RNGTT: variants seen among roughly 807,000 people sequenced by gnomAD.
RNGTT encodes the protein mRNA-capping enzyme.
RNGTT carries 33 observed loss-of-function variants against 79.3 expected under a neutral mutation model. The ratio of observed to expected loss-of-function variants is 0.42; its 90% CI spans 0.32 to 0.56. The LOEUF (loss-of-function observed/expected upper bound fraction) is 0.56. Ranked by LOEUF, RNGTT falls within the 20% of genes least tolerant of loss-of-function variation. The probability of loss-of-function intolerance (pLI) is 0.17; values close to 1 mark genes in which losing one functional copy is unlikely to be tolerated. For missense variants in RNGTT, 497 were observed against 739.1 expected (o/e 0.67, Z 3.80); for synonymous variants, 222 against 235.9 (o/e 0.94, Z 0.54).
intron 6 of RNGTT, 120 bp downstream of exon 6, chr6:88,904,595 A>T: frequency 8.3e-7 from 1 of 1,209,558 alleles, no homozygotes; most frequent in Non-Finnish European, 1.1e-6. Context: ...AGAAAGGGCT[A>T]GGATGAATCA....
At chr6:88,696,162 C>CA (rs1317119007) in intron 13 of RNGTT, among the ~76,000 whole-genome samples, 1 of 152,064 alleles carries the variant, frequency 6.6e-6, no homozygotes, top group Non-Finnish European at 1.5e-5. Flanking sequence ...GTGCTCACCA[C>CA]AAAAAAGTGT....
chr6:88,656,354 C>T (rs1426831177), intron 14 of RNGTT, among the ~76,000 whole-genome samples: 1 of 152,084 alleles, frequency 6.6e-6, no homozygotes, highest in Non-Finnish European at 1.5e-5. Context: ...TTTCTTACTC[C>T]ATGTTACCAC....
intron 1 of RNGTT, among the ~76,000 whole-genome samples, chr6:88,944,620 C>T (rs2180108): frequency 0.097 from 14,680 of 151,808 alleles, 926 homozygotes; most frequent in Middle Eastern, 0.2. Context: ...TTTAAATAAG[C>T]CCTAAACTCT....
intron 13 of RNGTT, among the ~76,000 whole-genome samples, chr6:88,735,326 C>A (rs1471505336): frequency 6.6e-6 from 1 of 152,070 alleles, no homozygotes; most frequent in Non-Finnish European, 1.5e-5. Context: ...CACTAATCGA[C>A]TGAATTCAGC....
intron 2 of RNGTT, among the ~76,000 whole-genome samples, chr6:88,936,667 T>G (rs1784675700): frequency 1.3e-5 from 2 of 152,228 alleles, no homozygotes. Context: ...ATTGATGTAA[T>G]GTATCATATT....
intron 12 of RNGTT, among the ~76,000 whole-genome samples, chr6:88,775,179 T>TTTACAC (rs1778834932): frequency 6.6e-6 from 1 of 152,200 alleles, no homozygotes; most frequent in Non-Finnish European, 1.5e-5. Context: ...AAATGATTAC[T>TTTACAC]ATGGTAAAGC....
chr6:88,772,178 CAA>C (rs35990941), intron 12 of RNGTT, among the ~76,000 whole-genome samples: 2 of 123,210 alleles, frequency 1.6e-5, no homozygotes, highest in Non-Finnish European at 1.7e-5. Flanking sequence ...AACTCTGTCT[CAA>C]AAAAAAAAAA....
intron 5 of RNGTT, among the ~76,000 whole-genome samples, chr6:88,905,200 T>TA (rs1401205109): frequency 1.3e-5 from 2 of 152,158 alleles, no homozygotes; most frequent in African/African-American, 4.8e-5. Flanking sequence ...GAGTATATAG[T>TA]AGAGACCTAG....
chr6:88,944,080 CCCT>C (rs1286442726), intron 1 of RNGTT, among the ~76,000 whole-genome samples: 3 of 152,084 alleles, frequency 2.0e-5, no homozygotes, highest in Non-Finnish European at 4.4e-5. Flanking sequence ...CTAAAACATC[CCCT>C]TTTCAACTGA....
chr6:88,913,214 C>CAAAAAAAAAAAA (rs58717773), intron 4 of RNGTT, among the ~76,000 whole-genome samples: 6 of 65,328 alleles, frequency 9.2e-5, no homozygotes, highest in Non-Finnish European at 1.4e-4. Context: ...CAAAAAAAAA[C>CAAAAAAAAAAAA]AAAAAAAAAA....
intron 14 of RNGTT, among the ~76,000 whole-genome samples, chr6:88,665,994 G>A (rs1774392783): frequency 6.6e-6 from 1 of 152,196 alleles, no homozygotes; most frequent in African/African-American, 2.4e-5. Context: ...AAAGAAAGCA[G>A]GTCATTTGCA....
intron 8 of RNGTT, among the ~76,000 whole-genome samples, chr6:88,855,143 C>T (rs1356073227): frequency 6.6e-6 from 1 of 152,158 alleles, no homozygotes; most frequent in Non-Finnish European, 1.5e-5. Context: ...GACTGCCCAA[C>T]CTCCTACCCG....
chr6:88,797,992 C>T (rs923808034), intron 12 of RNGTT, among the ~76,000 whole-genome samples: 3 of 145,534 alleles, frequency 2.1e-5, no homozygotes, highest in Non-Finnish European at 3.0e-5. Flanking sequence ...AGGAGTAGTA[C>T]TCAGAGTGCA....
intron 8 of RNGTT, among the ~76,000 whole-genome samples, chr6:88,862,748 A>G (rs1009387208): frequency 6.6e-6 from 1 of 152,192 alleles, no homozygotes; most frequent in Non-Finnish European, 1.5e-5. Flanking sequence ...GTTTCACATT[A>G]ACAAATTTAA....
At chr6:88,764,962 G>A (rs1778401617) in intron 13 of RNGTT, among the ~76,000 whole-genome samples, 1 of 152,094 alleles carries the variant, frequency 6.6e-6, no homozygotes, top group Non-Finnish European at 1.5e-5. Context: ...GGAGGCCAAG[G>A]CAGGTGGATC....
chr6:88,691,744 AT>A (rs1350133425), intron 13 of RNGTT, among the ~76,000 whole-genome samples: 1 of 152,188 alleles, frequency 6.6e-6, no homozygotes, highest in Non-Finnish European at 1.5e-5. Context: ...TGGGTATTGT[AT>A]TTCATAATAT....
intron 13 of RNGTT, among the ~76,000 whole-genome samples, chr6:88,712,284 G>C (rs1347570801): frequency 1.3e-5 from 2 of 152,130 alleles, no homozygotes; most frequent in African/African-American, 2.4e-5. Flanking sequence ...TTTGGACTCG[G>C]GAAATAAAAG....
chr6:88,886,028 G>A (rs530382295), intron 8 of RNGTT, among the ~76,000 whole-genome samples: 426 of 152,294 alleles, frequency 2.8e-3, no homozygotes, highest in Middle Eastern at 0.014. Context: ...TGCAGAGGCC[G>A]GGCGCGGTGG....
chr6:88,679,437 C>T (rs2610729), intron 13 of RNGTT, among the ~76,000 whole-genome samples: 17,672 of 152,068 alleles, frequency 0.12, 3,452 homozygotes, highest in African/African-American at 0.4. Flanking sequence ...GATGAGAACT[C>T]GAAGTTTCAA....
Sources: gnomAD v4.1 joint callset for allele counts (sites outside exome capture counted in the v4.1 genomes callset) on GRCh38, gnomAD v4.1.1 for gene constraint, MANE v1.5 for transcripts, NCBI Gene and HGNC (gene_info 2026-07-23, HGNC 2026-07-21) for gene names.